Variants in CCNJ observed in about 807,000 individuals in gnomAD.
CCNJ encodes cyclin J, also known as cyclin-J.
In CCNJ, 12 loss-of-function variants were observed where a neutral mutation model predicts 41.4. The ratio of observed to expected loss-of-function variants is 0.29; its 90% CI spans 0.19 to 0.47. The LOEUF (loss-of-function observed/expected upper bound fraction) is 0.47. Ranked by LOEUF, CCNJ falls within the 20% of genes least tolerant of loss-of-function variation. The pLI, the probability that CCNJ is intolerant of heterozygous loss-of-function variation, is 1.00. For synonymous variants in CCNJ, 161 were observed against 173.4 expected (o/e 0.93, Z 0.56); for missense variants, 340 against 464.6 (o/e 0.73, Z 2.47).
chr10:96,050,764 A>G (rs893025299), intron 3 of CCNJ, among the ~76,000 whole-genome samples: 2 of 152,230 alleles, frequency 1.3e-5, no homozygotes, highest in African/African-American at 4.8e-5. Flanking sequence ...AAAAGTTCCA[A>G]AGGTGATTTT....
chr10:96,043,462 G>T (rs539720496), upstream of CCNJ: 1 of 384,624 alleles, frequency 2.6e-6, no homozygotes, highest in African/African-American at 2.1e-5. Flanking sequence ...CCTGGGCCCG[G>T]CCCGGCCGCC....
chr10:96,057,494 A>G (rs545440089), intron 5 of CCNJ, among the ~76,000 whole-genome samples: 14 of 152,274 alleles, frequency 9.2e-5, no homozygotes, highest in African/African-American at 3.4e-4. Flanking sequence ...TGTAACCCTG[A>G]GATCAGTCCA....
rs545600324 is a variant in CCNJ, at chr10:96,049,775, A to G, written c.70-481A>G. Among the ~76,000 whole-genome samples the G allele has an allele frequency of 3.8e-4, 58 of 152,290 alleles. No homozygotes were observed. In the Middle Eastern group the frequency reaches 0.017, roughly 45 times the overall value. Reference sequence around the variant, plus strand: ...TCATAAAACTGTTAAAAGGGAAACAAAATTAGAAGATACTAGAGGAAAGGT... The same window carrying G: ...TCATAAAACTGTTAAAAGGGAAACAGAATTAGAAGATACTAGAGGAAAGGT... On this transcript the variant is annotated intron_variant, in intron 2 of 5. Transcript: ENST00000465148.
chr10:96,050,134 T>G (rs2080482542), intron 2 of CCNJ, 122 bp from the exon 3 acceptor site: 2 of 717,948 alleles, frequency 2.8e-6, no homozygotes, highest in Non-Finnish European at 4.7e-6. Flanking sequence ...TGTATTCCAG[T>G]CAAGAAAAGT....
In CCNJ at chr10:96,060,210, T is replaced by C. The variant is rs1347200180; in HGVS notation, c.*1969T>C. Reference sequence around the variant, plus strand: ...ACCTGGAGTCCAATTTTCAGTATTTTAACTACCTCAATAATGCTATGAATG... The same window carrying C: ...ACCTGGAGTCCAATTTTCAGTATTTCAACTACCTCAATAATGCTATGAATG... On this transcript the variant is annotated 3_prime_UTR_variant, in exon 6 of 6. Transcript: ENST00000465148. The C allele has an allele frequency of 6.6e-6, 1 of 152,636 alleles. No homozygotes were observed. Among genetic ancestry groups the C allele is most frequent in the Non-Finnish European group, 1.5e-5 (1 of 68,028 alleles). The allele number at this position is 152,636 out of a possible 1,614,324, so 9.5% of individuals were successfully genotyped here.
intron 3 of CCNJ, among the ~76,000 whole-genome samples, chr10:96,053,840 AT>A (rs2080600727): frequency 6.6e-6 from 1 of 151,978 alleles, no homozygotes; most frequent in Non-Finnish European, 1.5e-5. Flanking sequence ...TGAGCTCAGA[AT>A]TTTTTTCTAT....
rs764527587 is a variant in CCNJ at position 96,050,375 on chromosome 10, T to G, written c.189T>G (p.Leu63=). Residue 63 remains leucine, a synonymous_variant, in exon 3 of 6, where the codon CTT becomes CTG. Transcript: ENST00000465148. ...RFTLCPSARH[L]AVYLLDLFMD... ...CACTCTGCCCTTCTGCCCGCCATCT[T>G]GCTGTCTATTTACTGGACCTGTTTA... 11 of 1,614,194 alleles carry G rather than the reference T, an allele frequency of 6.8e-6. No homozygotes were observed. The highest frequency in any genetic ancestry group is 9.3e-6 in the Non-Finnish European group (11 of 1,180,020).
chr10:96,048,020 T>C (rs369298494), intron 2 of CCNJ, among the ~76,000 whole-genome samples: 4 of 147,772 alleles, frequency 2.7e-5, no homozygotes, highest in East Asian at 2.2e-4. Context: ...CTCCCACTTA[T>C]AAGTGAGAAC....
At chr10:96,056,219 G>A (rs1445378787) in intron 3 of CCNJ, among the ~76,000 whole-genome samples, 6 of 151,574 alleles carry the variant, frequency 4.0e-5, no homozygotes, top group African/African-American at 1.5e-4. Context: ...TGAGGCAGGA[G>A]AATGGCGTGA....
At chr10:96,046,497 T>C (rs1487672903) in intron 2 of CCNJ, among the ~76,000 whole-genome samples, 1 of 152,250 alleles carries the variant, frequency 6.6e-6, no homozygotes, top group Non-Finnish European at 1.5e-5. Flanking sequence ...CTTCAACATG[T>C]TGATCATTTA....
intron 3 of CCNJ, 46 bp downstream of exon 3, chr10:96,050,512 T>A (rs1201053959): frequency 7.4e-7 from 1 of 1,354,502 alleles, no homozygotes; most frequent in Admixed American, 1.7e-5. Flanking sequence ...CTGATGTTTA[T>A]ATAATAAAAT....
chr10:96,057,962 C>T lies in CCNJ; in HGVS notation c.873C>T (p.Leu291=), dbSNP rs370467102. The T allele has an allele frequency of 3.4e-4, 545 of 1,614,060 alleles. No individual in the cohort carries two copies. The highest frequency in any genetic ancestry group is 4.4e-4 in the Non-Finnish European group (524 of 1,180,038). ...TTCACTTTCAGCAACCTCAGTATCT[C>T]CATCAGACACATCAGACCTCACTGC... The part of the protein sequence containing the change: ...RPVHFQQPQY[L]HQTHQTSLQY... Residue 291 remains leucine, a synonymous_variant, in exon 6 of 6, where the codon CTC becomes CTT. Coordinates refer to ENST00000465148, the MANE Select transcript of CCNJ (RefSeq NM_001134375.2).
chr10:96,056,304 A>C (rs1027790066), intron 3 of CCNJ, among the ~76,000 whole-genome samples: 2 of 149,782 alleles, frequency 1.3e-5, no homozygotes, highest in Middle Eastern at 3.4e-3. Flanking sequence ...GCAAGACTCC[A>C]TCTCAAAAAA....
At chr10:96,056,564 A>G (rs1404987612) in intron 3 of CCNJ, 137 bp from the exon 4 acceptor site, 4 of 649,032 alleles carry the variant, frequency 6.2e-6, no homozygotes, top group South Asian at 4.2e-5. Flanking sequence ...TTCTGGCACA[A>G]TTGTATCTGT....
At chr10:96,053,258 AGTCTCAT>A in intron 3 of CCNJ, among the ~76,000 whole-genome samples, 1 of 152,324 alleles carries the variant, frequency 6.6e-6, no homozygotes, top group Non-Finnish European at 1.5e-5. Context: ...CCTGGGTTGG[AGTCTCAT>A]CAGCAATATG....
intron 1 of CCNJ, 98 bp from the exon 2 acceptor site, chr10:96,044,255 C>T (rs1305396581): frequency 7.8e-6 from 4 of 511,472 alleles, no homozygotes; most frequent in Non-Finnish European, 1.3e-5. Flanking sequence ...TGAAGATGAG[C>T]AGCCACACCG....
chr10:96,049,481 CTTTTTTTTTT>C (rs150769179), intron 2 of CCNJ, among the ~76,000 whole-genome samples: 1 of 108,312 alleles, frequency 9.2e-6, no homozygotes, highest in African/African-American at 3.5e-5. Flanking sequence ...TTTTCTTTTT[CTTTTTTTTTT>C]TTTTTTTTGC....
intron 3 of CCNJ, among the ~76,000 whole-genome samples, chr10:96,052,354 G>T (rs1014766170): frequency 7.9e-5 from 12 of 152,198 alleles, no homozygotes; most frequent in Non-Finnish European, 1.5e-4. Flanking sequence ...TCAGTTTACA[G>T]TAGAGTGTCA....
chr10:96,053,108 G>T (rs1361981588), intron 3 of CCNJ, among the ~76,000 whole-genome samples: 2 of 151,706 alleles, frequency 1.3e-5, no homozygotes, highest in Admixed American at 6.6e-5. Context: ...AGGTGGTTTG[G>T]CCAAAGATGG....
Sources: gnomAD v4.1 joint callset for allele counts (sites outside exome capture counted in the v4.1 genomes callset) on GRCh38, gnomAD v4.1.1 for gene constraint, MANE v1.5 for transcripts, NCBI Gene and HGNC (gene_info 2026-07-23, HGNC 2026-07-21) for gene names.